TMF1: variants seen among roughly 807,000 people sequenced by gnomAD.
The protein encoded by TMF1 is TATA element modulatory factor.
TMF1 carries 71 observed loss-of-function variants against 126.5 expected under a neutral mutation model. The observed-to-expected ratio is 0.56, with a 90% CI of 0.46 to 0.68. TMF1 has a LOEUF of 0.68. TMF1 is among the 30% of genes least tolerant of loss of function. TMF1 has a pLI of 0.00. For synonymous variants in TMF1, 461 were observed against 430.5 expected, an observed-to-expected ratio of 1.07 and a Z score of -0.88; for missense variants, 1,259 against 1,253.2, an observed-to-expected ratio of 1.00 and a Z score of -0.07.
intron 15 of TMF1, chr3:69,025,229 G>A: frequency 5.1e-6 from 1 of 197,286 alleles, no homozygotes; most frequent in East Asian, 1.3e-4. Flanking sequence ...AGAGCTGCTT[G>A]AAAGGAGGAG....
rs2107473294 is a variant in TMF1 at position 69,051,976 on chromosome 3, G to T, written c.111C>A (p.Ile37=). Residue 37 remains isoleucine (I), a synonymous_variant, in exon 1 of 17, where the codon ATC becomes ATA. Transcript: ENST00000398559. ...VLDIQEEEPS[I]WAETIPYGEP... ...CTCCATACGGAATGGTCTCGGCCCA[G>T]ATGCTCGGCTCCTCTTCCTGGATGT... is the stretch of plus-strand genomic sequence containing the variant. 1 of 1,614,002 alleles carries T rather than the reference G, an allele frequency of 6.2e-7. No individual in the cohort carries two copies. Among genetic ancestry groups the T allele is most frequent in the Non-Finnish European group, 8.5e-7 (1 of 1,179,940 alleles).
chr3:69,043,935 A>G, intron 3 of TMF1, 59 bp from the exon 4 acceptor site: 1 of 1,372,866 alleles, frequency 7.3e-7, no homozygotes, highest in Non-Finnish European at 9.9e-7. Flanking sequence ...AAAGGTATAC[A>G]TGAGTTCAAT....
chr3:69,025,682 T>C lies in TMF1; in HGVS notation c.2890A>G (p.Met964Val). The change falls in exon 15 of 17, where the codon ATG (methionine) becomes GTG (valine). Residue 964 changes from methionine to valine, a missense_variant. By Grantham distance (21) the Met-to-Val change is conservative. Coordinates refer to ENST00000398559, the MANE Select transcript of TMF1 (RefSeq NM_007114.3). ...DESHDHSFGPMPISANGSNLY... is the reference protein window; with the variant it reads ...DESHDHSFGPVPISANGSNLY... ...TTGCTTCCATTTGCTGATATAGGCA[T>C]TGGTCCAAATGAGTGATCATGAGAC... 1 of 1,614,032 alleles carries C rather than the reference T, an allele frequency of 6.2e-7. No individual in the cohort carries two copies. Among genetic ancestry groups the C allele is most frequent in the Non-Finnish European group, 8.5e-7 (1 of 1,179,938 alleles).
At position 69,022,428 on chromosome 3, in the gene TMF1, A is replaced by G. The variant is rs990982971; in HGVS notation, c.*749T>C. 9 of 152,578 alleles carry G rather than the reference A, an allele frequency of 5.9e-5. No homozygotes were observed. Among genetic ancestry groups the G allele is most frequent in the Admixed American group, 1.3e-4 (2 of 15,282 alleles). The allele number at this position is 152,578 out of a possible 1,614,324, so 9.5% of individuals were successfully genotyped here. A position where few individuals can be genotyped will look rare whatever the true frequency, so the allele number is the denominator to read the frequency against. On this transcript the variant is annotated 3_prime_UTR_variant, in exon 17 of 17. Transcript: ENST00000398559. ...ATGTTATTGATGCCATTGCAAAATC[A>G]TTATAAATAAATTTTCTCCATTATC...
At chr3:69,027,054 G>C (rs950308343) in intron 13 of TMF1, among the ~76,000 whole-genome samples, 1 of 151,868 alleles carries the variant, frequency 6.6e-6, no homozygotes, top group African/African-American at 2.4e-5. Flanking sequence ...GGAATGCAGT[G>C]ATGCGATCTC....
At chr3:69,028,104 A>C (rs1194961170) in intron 12 of TMF1, 112 bp from the exon 13 acceptor site, 39 of 1,136,408 alleles carry the variant, frequency 3.4e-5, no homozygotes, top group Middle Eastern at 3.9e-4. Flanking sequence ...TTTCCTACTA[A>C]AGACCAAGTT....
At chr3:69,026,188 G>T (rs920509830) in intron 13 of TMF1, 91 bp from the exon 14 acceptor site, 3 of 804,132 alleles carry the variant, frequency 3.7e-6, no homozygotes, top group South Asian at 1.7e-5. Context: ...TGAGAACAAA[G>T]ATTCAGTCTT....
chr3:69,029,174 C>T (rs918500689), intron 11 of TMF1, among the ~76,000 whole-genome samples: 92 of 151,764 alleles, frequency 6.1e-4, no homozygotes, highest in African/African-American at 3.6e-4. Context: ...GCTGGAATTA[C>T]AGGCGTCTGC....
intron 8 of TMF1, 130 bp from the exon 9 acceptor site, chr3:69,035,245 A>G: frequency 1.5e-6 from 1 of 679,472 alleles, no homozygotes; most frequent in South Asian, 1.9e-5. Flanking sequence ...ATGAACTTTT[A>G]CATATGATTA....
Position 69,047,782 on chromosome 3 carries a change from T to G in TMF1, c.923A>C (p.Asp308Ala). The G allele has an allele frequency of 6.2e-7, 1 of 1,614,110 alleles. No homozygotes were observed. Among genetic ancestry groups the G allele is most frequent in the South Asian group, 1.1e-5 (1 of 91,084 alleles). ...ASACPEYNRL[D>A]DFQKLTESCC... ...ACTCTCAGTGAGTTTTTGGAAATCA[T>G]CTAAACGATTATATTCAGGACAAGC... Residue 308 changes from aspartate (D) to alanine (A), a missense_variant, in exon 2 of 17, where the codon GAT (aspartate) becomes GCT (alanine). Asp to Ala is a moderately radical substitution (Grantham distance 126). Transcript: ENST00000398559.
intron 11 of TMF1, 59 bp from the exon 12 acceptor site, chr3:69,028,354 A>G (rs2091781474): frequency 8.6e-7 from 1 of 1,160,584 alleles, no homozygotes; most frequent in African/African-American, 1.5e-5. Flanking sequence ...AGTATAGACT[A>G]TTAAAAACTC....
Position 69,023,164 on chromosome 3 carries a change from C to T in TMF1, c.*13G>A. ...GCTTACATTCAGTTTGATGGGAATT[C>T]AATTTTCACAAGTTAACTGAGACTT... On this transcript the variant is annotated 3_prime_UTR_variant, in exon 17 of 17. Transcript: ENST00000398559. 3.1e-6 allele frequency: 5 copies of T among 1,603,600 alleles called. No individual in the cohort carries two copies. The highest frequency in any genetic ancestry group is 3.4e-6 in the Non-Finnish European group (4 of 1,173,262).
chr3:69,048,968 T>C (rs1231375300), intron 1 of TMF1: 1 of 159,174 alleles, frequency 6.3e-6, no homozygotes, highest in Non-Finnish European at 1.4e-5. Context: ...AATATGGAAC[T>C]AACTGAATAG....
rs1262248889 is a variant in TMF1 at position 69,044,552 on chromosome 3, T to C, written c.1391A>G (p.Gln464Arg). 1 of 1,609,754 alleles carries C rather than the reference T, an allele frequency of 6.2e-7. No homozygotes were observed. Among genetic ancestry groups the C allele is most frequent in the Non-Finnish European group, 8.5e-7 (1 of 1,178,818 alleles). ...TTTTTCCTTACTAAGAGATAATAACTGAGCCTCCCTTTTTTCCAGCTTTTC... is the reference window on the plus strand; with the variant it reads ...TTTTTCCTTACTAAGAGATAATAACCGAGCCTCCCTTTTTTCCAGCTTTTC... ...LNEKLEKREA[Q>R]LLSLSKEKAL... is the part of the protein sequence containing the mutation. Residue 464 changes from glutamine (Q) to arginine (R), a missense_variant, in exon 3 of 17, where the codon CAG becomes CGG. Transcript: ENST00000398559.
chr3:69,025,967 C>A (rs747835809), intron 14 of TMF1, 29 bp downstream of exon 14: 1 of 1,530,460 alleles, frequency 6.5e-7, no homozygotes, highest in South Asian at 1.1e-5. Context: ...ATTCTAAGAA[C>A]TAAGCACATA....
chr3:69,022,769 A>C lies in TMF1; in HGVS notation c.*408T>G, dbSNP rs1461799256. 2 of 152,680 alleles carry C rather than the reference A, an allele frequency of 1.3e-5. No individual in the cohort carries two copies. Among genetic ancestry groups the C allele is most frequent in the Non-Finnish European group, 2.9e-5 (2 of 68,138 alleles). 9.5% of individuals were successfully genotyped at this position (152,680 alleles called of 1,614,324 possible). On this transcript the variant is annotated 3_prime_UTR_variant, in exon 17 of 17. Coordinates refer to ENST00000398559, the MANE Select transcript of TMF1 (RefSeq NM_007114.3). Reference sequence around the variant, plus strand: ...TAAATGTGAAAGATTTCAAAGTTTCAGTATGTTAACATTACTCTTCAAATG... The same window carrying C: ...TAAATGTGAAAGATTTCAAAGTTTCCGTATGTTAACATTACTCTTCAAATG...
At position 69,023,325 on chromosome 3, in the gene TMF1, A is replaced by C; in HGVS notation, c.3139-5T>G. The C allele has an allele frequency of 6.2e-7, 1 of 1,603,426 alleles. No homozygotes were observed. The highest frequency in any genetic ancestry group is 8.5e-7 in the Non-Finnish European group (1 of 1,175,640). On this transcript the variant is annotated splice_polypyrimidine_tract_variant and splice_region_variant and intron_variant, in intron 16 of 16. Coordinates refer to ENST00000398559, the MANE Select transcript of TMF1 (RefSeq NM_007114.3). Reference sequence around the variant, plus strand: ...GTTGTACCTTTGATCCAAATCCTGAAAAATGTATTTGTTTACAATTTTTAA... The same window carrying C: ...GTTGTACCTTTGATCCAAATCCTGACAAATGTATTTGTTTACAATTTTTAA...
chr3:69,036,952 T>C (rs1010821478), intron 8 of TMF1, among the ~76,000 whole-genome samples: 12 of 151,840 alleles, frequency 7.9e-5, no homozygotes, highest in African/African-American at 2.9e-4. Flanking sequence ...TAAAACCTTT[T>C]GGCATCAAAG....
At chr3:69,035,245 AC>A (rs1159524744) in intron 8 of TMF1, 130 bp from the exon 9 acceptor site, 44 of 679,472 alleles carry the variant, frequency 6.5e-5, no homozygotes, top group Non-Finnish European at 1.0e-4. Context: ...ATGAACTTTT[AC>A]ATATGATTAT....
Sources: gnomAD v4.1 joint callset for allele counts (sites outside exome capture counted in the v4.1 genomes callset) on GRCh38, gnomAD v4.1.1 for gene constraint, MANE v1.5 for transcripts, NCBI Gene and HGNC (gene_info 2026-07-23, HGNC 2026-07-21) for gene names.